Variants in KIF1C observed in about 807,000 individuals in gnomAD.
KIF1C encodes the protein kinesin-like protein KIF1C.
Under a neutral mutation model 126.5 loss-of-function variants are expected in KIF1C, and 61 were observed. The observed-to-expected ratio is 0.48, with a 90% CI of 0.39 to 0.60. The LOEUF (loss-of-function observed/expected upper bound fraction) is 0.60. Ranked by LOEUF, KIF1C falls within the 20% of genes least tolerant of loss-of-function variation. The pLI is 0.00. For synonymous variants in KIF1C, 640 were observed against 580.6 expected, an observed-to-expected ratio of 1.10 and a Z score of -1.47; for missense variants, 1,315 against 1,489.2, an observed-to-expected ratio of 0.88 and a Z score of 1.93.
rs745461601 is a variant in KIF1C at position 5,003,673 on chromosome 17, G to C, written c.782G>C (p.Arg261Pro). 6.2e-7 allele frequency: 1 copy of C among 1,613,496 alleles called. No homozygotes were observed. The highest frequency in any genetic ancestry group is 2.2e-5 in the East Asian group (1 of 44,866). The stretch of plus-strand genomic sequence containing the variant: ...GAGCGAGCCGACTCCTCAGGGGCCC[G>C]GGGCATGCGCCTGAAGGTGAGGGGC... ...GSERADSSGA[R>P]GMRLKEGANI... is the part of the protein sequence containing the mutation. Residue 261 changes from arginine (R) to proline (P), a missense_variant, in exon 9 of 23, where the codon CGG (arginine) becomes CCG (proline). By Grantham distance (103) the Arg-to-Pro change is moderately radical. Transcript: ENST00000320785.
At chr17:5,019,311 T>A (rs1975040326) in intron 18 of KIF1C, 1 of 167,812 alleles carries the variant, frequency 6.0e-6, no homozygotes, top group Non-Finnish European at 1.5e-5. Context: ...GAAGTTAAAT[T>A]GACTTGTTCA....
In KIF1C at chr17:5,000,832, A is replaced by G; in HGVS notation, c.167A>G (p.Tyr56Cys). ...AAAAGCTTCACCTTTGACTACTCCT[A>G]CTGGTCACACACTTCGGTGGGTTGT... ...APKSFTFDYS[Y>C]WSHTSTEDPQ... Residue 56 changes from tyrosine (Y) to cysteine (C), a missense_variant, in exon 4 of 23, where the codon TAC becomes TGC. Tyr to Cys is a radical substitution (Grantham distance 194). Coordinates refer to ENST00000320785, the MANE Select transcript of KIF1C (RefSeq NM_006612.6). 6.2e-7 allele frequency: 1 copy of G among 1,613,994 alleles called. No individual in the cohort carries two copies.
intron 11 of KIF1C, 47 bp from the exon 12 acceptor site, chr17:5,004,520 C>T (rs760952205): frequency 6.3e-7 from 1 of 1,581,270 alleles, no homozygotes; most frequent in Non-Finnish European, 8.7e-7. Flanking sequence ...TCTGACTTTG[C>T]TTAGCCCCTC....
intron 12 of KIF1C, 41 bp downstream of exon 12, chr17:5,004,686 A>G: frequency 1.2e-6 from 2 of 1,605,506 alleles, no homozygotes; most frequent in South Asian, 1.1e-5. Flanking sequence ...CAGCATAGGA[A>G]GAGTGCCAGG....
chr17:5,002,904 T>A (rs557788373), intron 8 of KIF1C, 62 bp downstream of exon 8: 2 of 1,320,564 alleles, frequency 1.5e-6, no homozygotes, highest in Non-Finnish European at 2.1e-6. Flanking sequence ...ACAGGGACAG[T>A]GACATGGTAG....
chr17:5,000,707 G>A lies in KIF1C; in HGVS notation c.107-65G>A, dbSNP rs539005128. The A allele has an allele frequency of 1.6e-4, 223 of 1,429,914 alleles. No individual in the cohort carries two copies. In the East Asian group the frequency reaches 4.2e-3, roughly 27 times the overall value. 88.6% of individuals were successfully genotyped at this position (1,429,914 alleles called of 1,614,324 possible). A position where few individuals can be genotyped will look rare whatever the true frequency, so the allele number is the denominator to read the frequency against. On this transcript the variant is annotated intron_variant, in intron 3 of 22. Coordinates refer to ENST00000320785, the MANE Select transcript of KIF1C (RefSeq NM_006612.6). ...GCTTGGATTCCAGGGGCTGGTTGGG[G>A]TATGGGCAGGGACTGGGAATACCTG... is the stretch of plus-strand genomic sequence containing the variant.
rs116453553 is a variant in KIF1C, at chr17:5,022,813, T to C, written c.2628+104T>C. The C allele has an allele frequency of 3.9e-3, 5,367 of 1,373,532 alleles. 108 individuals carry two copies. The East Asian group carries it at 0.045, about 11-fold the overall frequency. 85.1% of individuals were successfully genotyped at this position (1,373,532 alleles called of 1,614,324 possible). On this transcript the variant is annotated intron_variant, in intron 22 of 22. Transcript: ENST00000320785. The surrounding 1 kb of genome is among the most constrained non-coding windows in gnomAD (Gnocchi z 4.9). The stretch of plus-strand genomic sequence containing the variant: ...TAACCTTCCCCAAGTCTGGAAAAAA[T>C]TGCATTGAAGTATAGTACGTTTTTT...
chr17:5,021,930 C>T (rs1975098306), intron 21 of KIF1C, among the ~76,000 whole-genome samples, 162 bp from the exon 22 acceptor site: 1 of 152,156 alleles, frequency 6.6e-6, no homozygotes. Flanking sequence ...AGAAGAGCAG[C>T]GTTAAGCAGT....
chr17:5,024,405 G>C lies in KIF1C; in HGVS notation c.*254G>C. On this transcript the variant is annotated 3_prime_UTR_variant, in exon 23 of 23. Coordinates refer to ENST00000320785, the MANE Select transcript of KIF1C (RefSeq NM_006612.6). ...CCTCGGGGCCACCCCTTGCAAAGGG[G>C]GTGTGTCCCACAAACGCTGCTATGG... is the stretch of plus-strand genomic sequence containing the variant. The C allele has an allele frequency of 2.4e-6, 1 of 416,568 alleles. No homozygotes were observed. Among genetic ancestry groups the C allele is most frequent in the Non-Finnish European group, 4.3e-6 (1 of 234,410 alleles). 25.8% of individuals were successfully genotyped at this position (416,568 alleles called of 1,614,324 possible). A position where few individuals can be genotyped will look rare whatever the true frequency, so the allele number is the denominator to read the frequency against.
rs1430933056 is a variant in KIF1C at position 4,998,109 on chromosome 17, A to G, written c.-196A>G. 1 of 151,930 alleles carries G rather than the reference A, an allele frequency of 6.6e-6. No homozygotes were observed. Among genetic ancestry groups the G allele is most frequent in the Non-Finnish European group, 1.5e-5 (1 of 67,988 alleles). 9.4% of individuals were successfully genotyped at this position (151,930 alleles called of 1,614,324 possible). ...CGCTTCCGCCTCACGCTTCCCGGAA[A>G]GCTTGTCCCTCTCCGCCGAGCTGCT... is the stretch of plus-strand genomic sequence containing the variant. On this transcript the variant is annotated 5_prime_UTR_variant, in exon 1 of 23. Coordinates refer to ENST00000320785, the MANE Select transcript of KIF1C (RefSeq NM_006612.6).
chr17:5,022,037 A>T lies in KIF1C; in HGVS notation c.2011-55A>T. The T allele has an allele frequency of 6.5e-7, 1 of 1,531,566 alleles. No individual in the cohort carries two copies. The highest frequency in any genetic ancestry group is 8.8e-7 in the Non-Finnish European group (1 of 1,138,412). The allele number at this position is 1,531,566 out of a possible 1,614,324, so 94.9% of individuals were successfully genotyped here. A position where few individuals can be genotyped will look rare whatever the true frequency, so the allele number is the denominator to read the frequency against. On this transcript the variant is annotated intron_variant, in intron 21 of 22. Coordinates refer to ENST00000320785, the MANE Select transcript of KIF1C (RefSeq NM_006612.6). The surrounding 1 kb of genome is among the most constrained non-coding windows in gnomAD (Gnocchi z 4.9). ...TACTTAGGACACACTGGGCCAAGAC[A>T]CATGGGCTCTGGATGTCCTTAGCCC... is the stretch of plus-strand genomic sequence containing the variant.
Position 5,022,076 on chromosome 17 carries a change from C to T in KIF1C, c.2011-16C>T. On this transcript the variant is annotated splice_polypyrimidine_tract_variant and intron_variant, in intron 21 of 22. Coordinates refer to ENST00000320785, the MANE Select transcript of KIF1C (RefSeq NM_006612.6). The surrounding 1 kb of genome is among the most constrained non-coding windows in gnomAD (Gnocchi z 4.9). The stretch of plus-strand genomic sequence containing the variant: ...TGTCCTTAGCCCTCTCTTCCTCTTT[C>T]TTTCTCTGGCCCCAGTATGCAGACT... 6.3e-7 allele frequency: 1 copy of T among 1,583,608 alleles called. No homozygotes were observed. Among genetic ancestry groups the T allele is most frequent in the Non-Finnish European group, 8.6e-7 (1 of 1,161,718 alleles).
In KIF1C at chr17:4,998,148, C is replaced by G. The variant is rs1213293072; in HGVS notation, c.-157C>G. The stretch of plus-strand genomic sequence containing the variant: ...CGCCGAGCTGCTCCGGGAGCCCCGC[C>G]GCGCCGAGGTGAGGGCTGGGGAAGG... On this transcript the variant is annotated 5_prime_UTR_variant, in exon 1 of 23. Transcript: ENST00000320785. The G allele has an allele frequency of 2.6e-5, 4 of 152,314 alleles. No homozygotes were observed. The highest frequency in any genetic ancestry group is 7.2e-5 in the African/African-American group (3 of 41,462). 9.4% of individuals were successfully genotyped at this position (152,314 alleles called of 1,614,324 possible). A position where few individuals can be genotyped will look rare whatever the true frequency, so the allele number is the denominator to read the frequency against.
In KIF1C at chr17:5,020,390, A is replaced by G. The variant is rs1975063095; in HGVS notation, c.1751-102A>G. ...CTTCAGACTTGGGGTGATGAAGGGG[A>G]GGGTGTCACAGCCCCTGTGCCAGAT... On this transcript the variant is annotated intron_variant, in intron 19 of 22. Transcript: ENST00000320785. The surrounding 1 kb of genome is among the most constrained non-coding windows in gnomAD (Gnocchi z 5.8). The G allele has an allele frequency of 2.5e-6, 3 of 1,181,776 alleles. No homozygotes were observed. Among genetic ancestry groups the G allele is most frequent in the Non-Finnish European group, 3.6e-6 (3 of 843,336 alleles). 73.2% of individuals were successfully genotyped at this position (1,181,776 alleles called of 1,614,324 possible).
At chr17:5,016,637 C>T (rs2143365267) in intron 18 of KIF1C, among the ~76,000 whole-genome samples, 1 of 151,814 alleles carries the variant, frequency 6.6e-6, no homozygotes, top group Middle Eastern at 3.4e-3. Context: ...GGTGGGGTGG[C>T]TCATGCCTGT....
intron 18 of KIF1C, 105 bp from the exon 19 acceptor site, chr17:5,019,879 GGGTGGGACTGGT>G: frequency 1.4e-6 from 1 of 733,870 alleles, no homozygotes; most frequent in Non-Finnish European, 2.4e-6. Context: ...CAGGTACTGG[GGGTGGGACTGGT>G]GGTGCATGTG....
In KIF1C at chr17:5,021,900, C is replaced by G. The variant is rs561473167; in HGVS notation, c.2011-192C>G. On this transcript the variant is annotated intron_variant, in intron 21 of 22. Transcript: ENST00000320785. ...CCACGTGGATCTGGGAGGTAGATCC[C>G]GTCACTATCTCTGTTGTCTAGAAGA... is the stretch of plus-strand genomic sequence containing the variant. Among the ~76,000 whole-genome samples, 3 of 152,222 alleles carry G rather than the reference C, an allele frequency of 2.0e-5. No homozygotes were observed. In the South Asian group the frequency reaches 6.2e-4, roughly 32 times the overall value.
intron 1 of KIF1C, chr17:4,998,992 C>T (rs1015214465): frequency 6.6e-6 from 1 of 152,144 alleles, no homozygotes; most frequent in Admixed American, 6.5e-5. Context: ...CAGCCGGCTT[C>T]CTTTTCTTTC....
chr17:5,022,092 T>C lies in KIF1C; in HGVS notation c.2011T>C (p.Tyr671His), dbSNP rs1352308943. The change falls in exon 22 of 23, where the codon TAT becomes CAT. Residue 671 changes from tyrosine (Y) to histidine (H), a missense_variant and splice_region_variant. By Grantham distance (83) the Tyr-to-His change is moderately conservative. Coordinates refer to ENST00000320785, the MANE Select transcript of KIF1C (RefSeq NM_006612.6). This position sits in a 1 kb window ranked among gnomAD's most constrained non-coding sequence, Gnocchi z 4.9. ...ADLLLEQQRL[Y>H]ADSDSGDDSD... ...TTCCTCTTTCTTTCTCTGGCCCCAG[T>C]ATGCAGACTCGGACAGCGGGGATGA... 3.1e-6 allele frequency: 5 copies of C among 1,596,034 alleles called. No individual in the cohort carries two copies. Among genetic ancestry groups the C allele is most frequent in the South Asian group, 1.1e-5 (1 of 89,890 alleles).
Sources: gnomAD v4.1 joint callset for allele counts (sites outside exome capture counted in the v4.1 genomes callset) on GRCh38, gnomAD v4.1.1 for gene constraint, Gnocchi (gnomAD v3.1) non-coding constraint, MANE v1.5 for transcripts, NCBI Gene and HGNC (gene_info 2026-07-23, HGNC 2026-07-21) for gene names.